The following KCNJ4 variants were observed in gnomAD, a reference collection of about 807,000 sequenced individuals.
KCNJ4 encodes the protein inward rectifier potassium channel 4.
KCNJ4 carries 3 observed loss-of-function variants against 25.6 expected under a neutral mutation model. The observed-to-expected ratio is 0.12, with a 90% CI of 0.05 to 0.30. The LOEUF (loss-of-function observed/expected upper bound fraction) is 0.30, where lower values mean the gene tolerates loss of function less well. KCNJ4 is among the 10% of genes least tolerant of loss of function. The pLI, the probability that KCNJ4 is intolerant of heterozygous loss-of-function variation, is 1.00. For missense variants in KCNJ4, 286 were observed against 666.8 expected (o/e 0.43, Z 6.29); for synonymous variants, 257 against 283.9 (o/e 0.91, Z 0.95).
chr22:38,437,207 A>G (rs1408902837), intron 1 of KCNJ4, among the ~76,000 whole-genome samples: 1 of 152,208 alleles, frequency 6.6e-6, no homozygotes, highest in Non-Finnish European at 1.5e-5. Flanking sequence ...GCAGGCTGAC[A>G]AGCAAGCTCC....
intron 1 of KCNJ4, among the ~76,000 whole-genome samples, 186 bp downstream of exon 1, chr22:38,454,794 C>T (rs1490550879): frequency 6.6e-6 from 1 of 151,668 alleles, no homozygotes; most frequent in Non-Finnish European, 1.5e-5. Context: ...CGGACAGAGC[C>T]CGCCCGTGGA....
chr22:38,451,964 C>T (rs931393996), intron 1 of KCNJ4, among the ~76,000 whole-genome samples: 4 of 152,236 alleles, frequency 2.6e-5, no homozygotes, highest in Non-Finnish European at 5.9e-5. Flanking sequence ...GCTGGATCCA[C>T]GGGCCCCTGA....
intron 1 of KCNJ4, among the ~76,000 whole-genome samples, chr22:38,433,143 T>C (rs2093055178): frequency 6.6e-6 from 1 of 151,952 alleles, no homozygotes. Flanking sequence ...GACTTTTCTT[T>C]TAATTTTTAA....
In KCNJ4 at chr22:38,427,541, C is replaced by T. The variant is rs1035975043; in HGVS notation, c.592G>A (p.Gly198Ser). The change falls in exon 2 of 2, where the codon GGC becomes AGC. Residue 198 changes from glycine to serine, a missense_variant. This residue lies in a region of KCNJ4 where 15 missense variants were observed against 29.9 expected (regional missense o/e 0.50). Coordinates refer to ENST00000303592, the MANE Select transcript of KCNJ4 (RefSeq NM_152868.3). ...SHHAVISVRD[G>S]KLCLMWRVGN... ...ACGCGCCACATGAGGCAGAGCTTGC[C>T]GTCGCGCACCGAAATGACCGCGTGG... 5.6e-6 allele frequency: 9 copies of T among 1,611,244 alleles called. No individual in the cohort carries two copies. The highest frequency in any genetic ancestry group is 1.3e-5 in the African/African-American group (1 of 74,910).
intron 1 of KCNJ4, among the ~76,000 whole-genome samples, chr22:38,453,458 C>A (rs562971425): frequency 2.0e-4 from 31 of 152,276 alleles, no homozygotes; most frequent in African/African-American, 7.0e-4. Context: ...CCCCTCTAAT[C>A]CTGGACACTC....
intron 1 of KCNJ4, among the ~76,000 whole-genome samples, chr22:38,432,031 G>A (rs1032950789): frequency 4.6e-5 from 7 of 151,700 alleles, no homozygotes; most frequent in African/African-American, 1.2e-4. Context: ...TGAAGCGGGC[G>A]GATCACAAGG....
intron 1 of KCNJ4, among the ~76,000 whole-genome samples, chr22:38,451,818 A>T (rs2033717125): frequency 6.6e-6 from 1 of 152,082 alleles, no homozygotes; most frequent in South Asian, 2.1e-4. Flanking sequence ...TGTGACCCTG[A>T]TGGGTCTACT....
intron 1 of KCNJ4, among the ~76,000 whole-genome samples, chr22:38,439,632 G>A (rs1254781370): frequency 6.0e-5 from 9 of 149,134 alleles, no homozygotes; most frequent in South Asian, 2.1e-4. Flanking sequence ...AAAATTAGCC[G>A]GGTGTGGTGG....
chr22:38,447,441 C>T (rs1020827945), intron 1 of KCNJ4, among the ~76,000 whole-genome samples: 2 of 152,164 alleles, frequency 1.3e-5, no homozygotes, highest in African/African-American at 4.8e-5. Flanking sequence ...CAGCCTGTGC[C>T]CACCACCTCC....
At chr22:38,436,702 C>T (rs749337830) in intron 1 of KCNJ4, among the ~76,000 whole-genome samples, 8 of 152,178 alleles carry the variant, frequency 5.3e-5, no homozygotes, top group African/African-American at 1.7e-4. Flanking sequence ...GCATTGAGCA[C>T]GCATTTACTC....
rs775295925 is a variant in KCNJ4 at position 38,449,840 on chromosome 22, C to T, written c.-40+5140G>A. The stretch of plus-strand genomic sequence containing the variant: ...ACGACAGGGACCCCGTGTTGGGCCA[C>T]GGGGCCAGGATTGGTCAAGACCTTT... On this transcript the variant is annotated intron_variant, in intron 1 of 1. Coordinates refer to ENST00000303592, the MANE Select transcript of KCNJ4 (RefSeq NM_152868.3). The surrounding 1 kb of genome is among the most constrained non-coding windows in gnomAD (Gnocchi z 5.2). 1.3e-5 allele frequency among the ~76,000 whole-genome samples: 2 copies of T among 152,238 alleles called. No individual in the cohort carries two copies. Among genetic ancestry groups the T allele is most frequent in the African/African-American group, 4.8e-5 (2 of 41,478 alleles).
rs539050726 is a variant in KCNJ4 at position 38,442,452 on chromosome 22, AAGG to A, written c.-40+12525_-40+12527del. 3.6e-3 allele frequency among the ~76,000 whole-genome samples: 539 copies of A among 149,902 alleles called. 7 individuals are homozygous for A. The highest frequency in any genetic ancestry group is 0.013 in the African/African-American group (524 of 40,816). On this transcript the variant is annotated intron_variant, in intron 1 of 1. Coordinates refer to ENST00000303592, the MANE Select transcript of KCNJ4 (RefSeq NM_152868.3). ...GTCCCAGCTACTCGGGAGGCTGAGGAAGGAGAATGGTGTGAACCCGGTAGACGG... is the reference window on the plus strand; with the variant it reads ...GTCCCAGCTACTCGGGAGGCTGAGGAAGAATGGTGTGAACCCGGTAGACGG...
chr22:38,452,961 T>G (rs903374087), intron 1 of KCNJ4, among the ~76,000 whole-genome samples: 1 of 151,556 alleles, frequency 6.6e-6, no homozygotes, highest in African/African-American at 2.4e-5. Context: ...TCATGTCGCT[T>G]ACATGTCCTC....
At position 38,449,449 on chromosome 22, in the gene KCNJ4, C is replaced by T. The variant is rs1199487689; in HGVS notation, c.-40+5531G>A. ...AGCCTGGCACTCAGCTTCCCTCCTGCAGCAATACCCTGAGAACACTGCTCT... is the reference window on the plus strand; with the variant it reads ...AGCCTGGCACTCAGCTTCCCTCCTGTAGCAATACCCTGAGAACACTGCTCT... On this transcript the variant is annotated intron_variant, in intron 1 of 1. Coordinates refer to ENST00000303592, the MANE Select transcript of KCNJ4 (RefSeq NM_152868.3). The surrounding 1 kb of genome is among the most constrained non-coding windows in gnomAD (Gnocchi z 5.2). 6.6e-6 allele frequency among the ~76,000 whole-genome samples: 1 copy of T among 152,214 alleles called. No individual in the cohort carries two copies. The highest frequency in any genetic ancestry group is 1.5e-5 in the Non-Finnish European group (1 of 68,026).
chr22:38,447,411 A>G (rs196085), intron 1 of KCNJ4, among the ~76,000 whole-genome samples: 31,582 of 151,366 alleles, frequency 0.21, 4,713 homozygotes, highest in African/African-American at 0.42. Flanking sequence ...GCTCCATTTC[A>G]CCCCCAGCCA....
At chr22:38,429,083 CAAAAAAA>C (rs10582408) in intron 1 of KCNJ4, among the ~76,000 whole-genome samples, 160 of 108,856 alleles carry the variant, frequency 1.5e-3, no homozygotes, top group Middle Eastern at 9.1e-3. Flanking sequence ...GACCCCATGT[CAAAAAAA>C]AAAAAAAAAA....
intron 1 of KCNJ4, among the ~76,000 whole-genome samples, chr22:38,450,465 G>T (rs2089403964): frequency 6.6e-6 from 1 of 152,146 alleles, no homozygotes; most frequent in Admixed American, 6.5e-5. Flanking sequence ...AGGTCCCACT[G>T]ACCTCACCAG....
intron 1 of KCNJ4, among the ~76,000 whole-genome samples, chr22:38,447,561 A>G (rs909405952): frequency 6.6e-6 from 1 of 151,942 alleles, no homozygotes; most frequent in South Asian, 2.1e-4. Context: ...TCTCAGGCCT[A>G]TGAGGAGAGG....
intron 1 of KCNJ4, among the ~76,000 whole-genome samples, chr22:38,437,952 A>G (rs1023922924): frequency 6.6e-6 from 1 of 151,692 alleles, no homozygotes; most frequent in Non-Finnish European, 1.5e-5. Context: ...AAACTACAAA[A>G]ATTAGGCCAG....
Sources: allele counts gnomAD v4.1 joint callset (sites outside exome capture counted in the v4.1 genomes callset), GRCh38; gene constraint gnomAD v4.1.1; regional missense constraint gnomAD v4.1.1; non-coding constraint Gnocchi (gnomAD v3.1); transcripts MANE v1.5; gene names NCBI Gene and HGNC (gene_info 2026-07-23, HGNC 2026-07-21).